Variants in SNX6 observed in about 807,000 individuals in gnomAD.
SNX6 encodes the protein sorting nexin 6.
In SNX6, 34 loss-of-function variants were observed where a neutral mutation model predicts 63.0. That is an observed-to-expected ratio of 0.54 (90% CI 0.41 to 0.72). The LOEUF is 0.72. SNX6 is among the 30% of genes least tolerant of loss of function. The pLI, the probability that SNX6 is intolerant of heterozygous loss-of-function variation, is 0.00. For synonymous variants in SNX6, 170 were observed against 164.2 expected, an observed-to-expected ratio of 1.04 and a Z score of -0.27; for missense variants, 398 against 471.4, an observed-to-expected ratio of 0.84 and a Z score of 1.44.
intron 5 of SNX6, chr14:34,604,224 G>A (rs1882932342): frequency 7.8e-7 from 1 of 1,288,580 alleles, no homozygotes; most frequent in South Asian, 1.2e-5. Flanking sequence ...TGCAGAGGAT[G>A]GAGGTAGCAG....
chr14:34,616,398 C>A (rs915435635), intron 2 of SNX6, among the ~76,000 whole-genome samples: 1 of 152,078 alleles, frequency 6.6e-6, no homozygotes, highest in Non-Finnish European at 1.5e-5. Flanking sequence ...GAGACAGAGT[C>A]TTGCACTGCT....
rs1881667568 is a variant in SNX6 at position 34,575,737 on chromosome 14, A to G, written c.921+19T>C. 1 of 1,458,004 alleles carries G rather than the reference A, an allele frequency of 6.9e-7. No homozygotes were observed. The highest frequency in any genetic ancestry group is 9.4e-7 in the Non-Finnish European group (1 of 1,063,772). The allele number at this position is 1,458,004 out of a possible 1,614,324, so 90.3% of individuals were successfully genotyped here. A position where few individuals can be genotyped will look rare whatever the true frequency, so the allele number is the denominator to read the frequency against. On this transcript the variant is annotated intron_variant, in intron 11 of 13. Coordinates refer to ENST00000362031, the MANE Select transcript of SNX6 (RefSeq NM_152233.4). ...TGGCTGTTTGTAAAATGGCTCATTT[A>G]AAAAAAGATTAAAATTACCTTAGCA...
rs962632175 is a variant in SNX6 at position 34,575,923 on chromosome 14, T to C, written c.835-81A>G. The C allele has an allele frequency of 3.1e-5, 23 of 744,670 alleles. No individual in the cohort carries two copies. The Admixed American group carries it at 4.8e-4, about 15-fold the overall frequency. The allele number at this position is 744,670 out of a possible 1,614,324, so 46.1% of individuals were successfully genotyped here. On this transcript the variant is annotated intron_variant, in intron 10 of 13. Transcript: ENST00000362031. ...GGTTTCCTTCTTTTTGTTGTTGTTG[T>C]TTTTTTGTTTTTTTTTTTGAGACGG...
chr14:34,602,590 CAAAA>C (rs200915421), intron 6 of SNX6, among the ~76,000 whole-genome samples: 18 of 116,100 alleles, frequency 1.6e-4, no homozygotes, highest in Admixed American at 3.7e-4. Context: ...GACTCTGTCT[CAAAA>C]AAAAAAAAAA....
chr14:34,589,688 ATGGTGACACACACC>A (rs1839279771), intron 8 of SNX6, among the ~76,000 whole-genome samples: 1 of 152,014 alleles, frequency 6.6e-6, no homozygotes, highest in African/African-American at 2.4e-5. Flanking sequence ...ATAGCCAGGC[ATGGTGACACACACC>A]TGTAATCCTA....
chr14:34,572,912 G>A (rs1172180552), intron 11 of SNX6, among the ~76,000 whole-genome samples: 9 of 151,944 alleles, frequency 5.9e-5, no homozygotes, highest in Admixed American at 5.9e-4. Flanking sequence ...TTGATCTCCT[G>A]ACCTCGTGAT....
intron 10 of SNX6, 144 bp downstream of exon 10, chr14:34,581,417 G>T (rs989322835): frequency 2.6e-5 from 12 of 461,254 alleles, no homozygotes; most frequent in African/African-American, 2.3e-4. Flanking sequence ...CTCCCAAAGT[G>T]TTGGGATTAC....
intron 10 of SNX6, among the ~76,000 whole-genome samples, chr14:34,580,378 C>T (rs1233550458): frequency 6.6e-6 from 1 of 152,116 alleles, no homozygotes; most frequent in Non-Finnish European, 1.5e-5. Flanking sequence ...TCATAACTCA[C>T]TATAACCTTG....
chr14:34,610,701 T>C (rs974727984), intron 2 of SNX6, among the ~76,000 whole-genome samples: 1 of 151,608 alleles, frequency 6.6e-6, no homozygotes, highest in Non-Finnish European at 1.5e-5. Context: ...CTTCTACTTA[T>C]TAATTTTTAA....
At position 34,605,226 on chromosome 14, in the gene SNX6, GA is replaced by G. The variant is rs34301884; in HGVS notation, c.392+369del. ...GGTAGTGACTAAGGCTTTGTAAATA[GA>G]AAAAAAAAAACAATGACTATTCTAC... is the stretch of plus-strand genomic sequence containing the variant. On this transcript the variant is annotated intron_variant, in intron 5 of 13. Coordinates refer to ENST00000362031, the MANE Select transcript of SNX6 (RefSeq NM_152233.4). Among the ~76,000 whole-genome samples, 207 of 142,578 alleles carry G rather than the reference GA, an allele frequency of 1.5e-3. 1 individual carries two copies. Among genetic ancestry groups the G allele is most frequent in the African/African-American group, 4.4e-3 (171 of 39,050 alleles). 93.5% of individuals were successfully genotyped at this position (142,578 alleles called of 152,430 possible).
Position 34,604,120 on chromosome 14 carries a change from A to G in SNX6, c.393-649T>C, listed in dbSNP as rs140064332. On this transcript the variant is annotated intron_variant, in intron 5 of 13. Transcript: ENST00000362031. ...CTTGCTTCAACTACGTGCAAGAAGG[A>G]TAAGTTTTACATACCAGCAAACCAG... is the stretch of plus-strand genomic sequence containing the variant. The G allele has an allele frequency of 2.7e-4, 339 of 1,248,434 alleles. 7 individuals are homozygous for G. The Middle Eastern group carries it at 8.5e-3, about 31-fold the overall frequency. 77.3% of individuals were successfully genotyped at this position (1,248,434 alleles called of 1,614,324 possible). A position where few individuals can be genotyped will look rare whatever the true frequency, so the allele number is the denominator to read the frequency against.
intron 8 of SNX6, among the ~76,000 whole-genome samples, chr14:34,587,221 T>C (rs1594715208): frequency 6.6e-6 from 1 of 151,582 alleles, no homozygotes; most frequent in South Asian, 2.1e-4. Flanking sequence ...AAAGAACAAT[T>C]TGAAATTGAA....
intron 2 of SNX6, among the ~76,000 whole-genome samples, chr14:34,613,252 T>G (rs1883300451): frequency 6.6e-6 from 1 of 152,200 alleles, no homozygotes; most frequent in Admixed American, 6.5e-5. Context: ...ACATCCTGAC[T>G]TCTCTGACTT....
At chr14:34,627,384 T>C (rs541175903) in intron 2 of SNX6, among the ~76,000 whole-genome samples, 1 of 152,260 alleles carries the variant, frequency 6.6e-6, no homozygotes, top group African/African-American at 2.4e-5. Flanking sequence ...GAGGCGGAGC[T>C]TGCAGTGAGC....
intron 8 of SNX6, among the ~76,000 whole-genome samples, chr14:34,588,220 G>T (rs1223607121): frequency 6.6e-6 from 1 of 152,044 alleles, no homozygotes; most frequent in African/African-American, 2.4e-5. Context: ...TGCTAGCCAG[G>T]ATGGTATCGA....
intron 6 of SNX6, among the ~76,000 whole-genome samples, chr14:34,602,386 C>T (rs906261336): frequency 4.6e-5 from 7 of 150,904 alleles, no homozygotes; most frequent in Admixed American, 4.6e-4. Flanking sequence ...GAGATCGCAC[C>T]GTTGCACTCC....
chr14:34,565,357 G>C (rs1275598533), intron 13 of SNX6, among the ~76,000 whole-genome samples: 2 of 151,704 alleles, frequency 1.3e-5, no homozygotes, highest in Non-Finnish European at 2.9e-5. Flanking sequence ...GATTACAGGC[G>C]TGAGCCACCG....
intron 3 of SNX6, among the ~76,000 whole-genome samples, chr14:34,609,035 A>C (rs1883123100): frequency 6.6e-6 from 1 of 151,990 alleles, no homozygotes; most frequent in Admixed American, 6.6e-5. Flanking sequence ...CTCAAAAAAA[A>C]TAGTAATAAT....
At chr14:34,629,725 G>T (rs996048965) in intron 2 of SNX6, 182 bp downstream of exon 2, 17 of 1,022,992 alleles carry the variant, frequency 1.7e-5, no homozygotes, top group Admixed American at 4.3e-5. Flanking sequence ...AATCGGAGCC[G>T]AGCGGCCCCT....
Sources: gnomAD v4.1 joint callset for allele counts (sites outside exome capture counted in the v4.1 genomes callset) on GRCh38, gnomAD v4.1.1 for gene constraint, MANE v1.5 for transcripts, NCBI Gene and HGNC (gene_info 2026-07-23, HGNC 2026-07-21) for gene names.